The following DOP1B variants were observed in gnomAD, a reference collection of about 807,000 sequenced individuals.
DOP1B encodes DOP1 leucine zipper like protein B.
In DOP1B, 174 loss-of-function variants were observed where a neutral mutation model predicts 233.5. The observed-to-expected ratio is 0.75, with a 90% CI of 0.66 to 0.85. DOP1B has a LOEUF of 0.85. Ranked by LOEUF, DOP1B falls within the 40% of genes least tolerant of loss-of-function variation. The pLI, the probability that DOP1B is intolerant of heterozygous loss-of-function variation, is 0.00. For missense variants in DOP1B, 2,652 were observed against 2,846.6 expected (o/e 0.93, Z 1.56); for synonymous variants, 1,190 against 1,185.6 (o/e 1.00, Z -0.08).
In DOP1B at chr21:36,164,883, G is replaced by A. The variant is rs1476411256; in HGVS notation, c.138+12G>A. The A allele has an allele frequency of 9.0e-6, 14 of 1,561,882 alleles. No homozygotes were observed. Among genetic ancestry groups the A allele is most frequent in the Non-Finnish European group, 1.2e-5 (14 of 1,156,018 alleles). On this transcript the variant is annotated intron_variant, in intron 2 of 36. Coordinates refer to ENST00000691173, the MANE Select transcript of DOP1B (RefSeq NM_001320714.2). ...GCAAACTCAACAAGGTATGTAGGGTGTATCCTATTTGGATTGCATGGAGGT... is the reference window on the plus strand; with the variant it reads ...GCAAACTCAACAAGGTATGTAGGGTATATCCTATTTGGATTGCATGGAGGT...
intron 2 of DOP1B, among the ~76,000 whole-genome samples, chr21:36,166,004 AC>A (rs1157506489): frequency 6.7e-6 from 1 of 148,408 alleles, no homozygotes; most frequent in Non-Finnish European, 1.5e-5. Context: ...GGCGTGAGCC[AC>A]CACACCTGGC....
At chr21:36,244,555 G>A (rs1569045883) in intron 18 of DOP1B, among the ~76,000 whole-genome samples, 1 of 152,012 alleles carries the variant, frequency 6.6e-6, no homozygotes, top group Non-Finnish European at 1.5e-5. Context: ...CTCCCGAGTA[G>A]CTGGAATTAC....
At chr21:36,175,160 G>C (rs2066009692) in intron 2 of DOP1B, among the ~76,000 whole-genome samples, 1 of 151,388 alleles carries the variant, frequency 6.6e-6, no homozygotes, top group East Asian at 1.9e-4. Flanking sequence ...GCCCAGGCTG[G>C]AGTGCAGTAG....
In DOP1B at chr21:36,230,841, C is replaced by A; in HGVS notation, c.2057C>A (p.Pro686His). 6.2e-7 allele frequency: 1 copy of A among 1,614,086 alleles called. No homozygotes were observed. The highest frequency in any genetic ancestry group is 1.3e-5 in the African/African-American group (1 of 75,024). ...SSRKNSWEPKPITVPQFKQML... is the reference protein window; with the variant it reads ...SSRKNSWEPKHITVPQFKQML... ...AGGAAGAACTCTTGGGAGCCCAAGC[C>A]CATCACTGTGCCTCAGTTCAAGCAG... The change falls in exon 14 of 37, where the codon CCC becomes CAC. Residue 686 changes from proline to histidine, a missense_variant. Transcript: ENST00000691173.
intron 21 of DOP1B, among the ~76,000 whole-genome samples, chr21:36,249,047 G>T (rs1289688176): frequency 6.6e-6 from 1 of 152,064 alleles, no homozygotes; most frequent in Non-Finnish European, 1.5e-5. Flanking sequence ...GGAGGTTGCA[G>T]TGAGCCAAGA....
intron 14 of DOP1B, among the ~76,000 whole-genome samples, chr21:36,231,825 G>A (rs1283734635): frequency 8.1e-5 from 12 of 148,924 alleles, no homozygotes; most frequent in Admixed American, 4.7e-4. Flanking sequence ...CTACAGGCAC[G>A]TGCCACTACG....
chr21:36,206,828 C>T (rs1161915517), intron 4 of DOP1B, among the ~76,000 whole-genome samples: 1 of 152,202 alleles, frequency 6.6e-6, no homozygotes, highest in Admixed American at 6.5e-5. Flanking sequence ...ATAACCTCAG[C>T]CATTAAATCG....
rs532182151 is a variant in DOP1B, at chr21:36,241,111, G to A, written c.3067+1156G>A. Among the ~76,000 whole-genome samples, 5 of 152,034 alleles carry A rather than the reference G, an allele frequency of 3.3e-5. No homozygotes were observed. The South Asian group carries it at 6.2e-4, about 19-fold the overall frequency. ...AGATCGAGACCATCCTGGCTAACAC[G>A]GTGAAACCCCATCTCTACTAAAAAT... On this transcript the variant is annotated intron_variant, in intron 18 of 36. Transcript: ENST00000691173.
chr21:36,257,645 T>A lies in DOP1B; in HGVS notation c.5260-3032T>A, dbSNP rs1028374728. Among the ~76,000 whole-genome samples the A allele has an allele frequency of 4.8e-5, 7 of 145,994 alleles. 1 individual carries two copies. The South Asian group carries it at 8.7e-4, about 18-fold the overall frequency. ...AGATAGATAGATAGATAGATAGAAG[T>A]AGTTAGGTAAATAGATAGATGTAGG... On this transcript the variant is annotated intron_variant, in intron 23 of 36. Transcript: ENST00000691173.
chr21:36,167,960 T>TC (rs1212273174), intron 2 of DOP1B, among the ~76,000 whole-genome samples: 1 of 122,874 alleles, frequency 8.1e-6, no homozygotes, highest in East Asian at 2.4e-4. Context: ...TTTTTTTTTT[T>TC]CGAGATGGAA....
intron 2 of DOP1B, among the ~76,000 whole-genome samples, chr21:36,188,783 C>T (rs1380391946): frequency 1.3e-5 from 2 of 152,178 alleles, no homozygotes; most frequent in Non-Finnish European, 2.9e-5. Flanking sequence ...CAGCATTGTA[C>T]TCTGTGCAAA....
At chr21:36,201,365 T>TTTTTTTTTTTTTTTG (rs2066364781) in intron 4 of DOP1B, among the ~76,000 whole-genome samples, 1 of 147,180 alleles carries the variant, frequency 6.8e-6, no homozygotes, top group African/African-American at 2.5e-5. Context: ...TTTTTTTTTT[T>TTTTTTTTTTTTTTTG]GAGACAGAGT....
At chr21:36,227,251 AAG>A (rs1042217685) in intron 12 of DOP1B, among the ~76,000 whole-genome samples, 3 of 147,864 alleles carry the variant, frequency 2.0e-5, no homozygotes, top group African/African-American at 7.5e-5. Flanking sequence ...TAAAATAAAA[AAG>A]AAAATTAATG....
At chr21:36,159,403 A>G (rs1408297737) in intron 1 of DOP1B, among the ~76,000 whole-genome samples, 4 of 152,160 alleles carry the variant, frequency 2.6e-5, no homozygotes, top group Non-Finnish European at 5.9e-5. Context: ...GTGAGTTGAG[A>G]TCGCGCCATT....
Position 36,245,892 on chromosome 21 carries a change from C to G in DOP1B, c.3912C>G (p.Asn1304Lys). The G allele has an allele frequency of 1.2e-6, 2 of 1,613,786 alleles. No individual in the cohort carries two copies. Among genetic ancestry groups the G allele is most frequent in the Non-Finnish European group, 1.7e-6 (2 of 1,180,026 alleles). The change falls in exon 19 of 37, where the codon AAC becomes AAG. Residue 1304 changes from asparagine to lysine, a missense_variant. Around this residue, in one of 3 missense-constraint regions of DOP1B, gnomAD observed 2,617 missense variants for 2,794.3 expected, o/e 0.94. Transcript: ENST00000691173. The surrounding 1 kb of genome is among the most constrained non-coding windows in gnomAD (Gnocchi z 5.5). ...FYGKLQTQVP[N>K]VCPHSLLLEL... ...GAAAGCTCCAGACCCAGGTCCCCAA[C>G]GTGTGCCCCCACTCTCTGCTCCTGG...
rs147049130 is a variant in DOP1B, at chr21:36,210,316, C to T, written c.682-1237C>T. 6.6e-3 allele frequency among the ~76,000 whole-genome samples: 1,008 copies of T among 151,988 alleles called. 18 individuals carry two copies. Among genetic ancestry groups the T allele is most frequent in the African/African-American group, 0.023 (947 of 41,458 alleles). On this transcript the variant is annotated intron_variant, in intron 5 of 36. Coordinates refer to ENST00000691173, the MANE Select transcript of DOP1B (RefSeq NM_001320714.2). The stretch of plus-strand genomic sequence containing the variant: ...TTGAGGTCAGGAGGTCAAGAGCAGC[C>T]GGGCCAACATGATGAAACCCCACGT...
intron 11 of DOP1B, among the ~76,000 whole-genome samples, chr21:36,225,136 A>G (rs538345002): frequency 6.6e-6 from 1 of 152,346 alleles, no homozygotes; most frequent in South Asian, 2.1e-4. Context: ...TTTAGTTATG[A>G]GAACTACAAA....
chr21:36,230,855 C>T lies in DOP1B; in HGVS notation c.2071C>T (p.Gln691Ter). 1 of 1,614,106 alleles carries T rather than the reference C, an allele frequency of 6.2e-7. No individual in the cohort carries two copies. ...SWEPKPITVP[Q>*]FKQMLSDLFT... ...GGAGCCCAAGCCCATCACTGTGCCT[C>T]AGTTCAAGCAGATGCTGTCAGACTT... The change falls in exon 14 of 37, where the codon CAG (glutamine) becomes TAG (stop). Residue 691 changes from glutamine to a stop codon, truncating the protein, a stop_gained. Transcript: ENST00000691173. LOFTEE classifies it high-confidence loss of function.
At chr21:36,262,384 G>T (rs2067180845) in intron 24 of DOP1B, among the ~76,000 whole-genome samples, 3 of 152,150 alleles carry the variant, frequency 2.0e-5, no homozygotes, top group Admixed American at 2.0e-4. Context: ...CTTGGACCTG[G>T]GACACTCTGA....
Sources: gnomAD v4.1 joint callset for allele counts (sites outside exome capture counted in the v4.1 genomes callset) on GRCh38, gnomAD v4.1.1 for gene constraint, gnomAD v4.1.1 regional missense constraint, Gnocchi (gnomAD v3.1) non-coding constraint, MANE v1.5 for transcripts, NCBI Gene and HGNC (gene_info 2026-07-23, HGNC 2026-07-21) for gene names.